The following SASH1 variants were observed in gnomAD, a reference collection of about 807,000 sequenced individuals.
SASH1 encodes the protein SAM and SH3 domain-containing protein 1.
In SASH1, 44 loss-of-function variants were observed where a neutral mutation model predicts 125.2. That is an observed-to-expected ratio of 0.35 (90% CI 0.28 to 0.45). The LOEUF (loss-of-function observed/expected upper bound fraction) is 0.45, where lower values mean the gene tolerates loss of function less well. Among genes scored for constraint, SASH1 ranks in the 20% least tolerant of loss-of-function variants. SASH1 has a pLI of 1.00. For missense variants in SASH1, 1,426 were observed against 1,614.5 expected, an observed-to-expected ratio of 0.88 and a Z score of 2.00; for synonymous variants, 639 against 649.1, an observed-to-expected ratio of 0.98 and a Z score of 0.24.
At position 148,524,121 on chromosome 6, in the gene SASH1, A is replaced by ATTT. The variant is rs796565408; in HGVS notation, c.1210-1164_1210-1162dup. Among the ~76,000 whole-genome samples the ATTT allele has an allele frequency of 3.5e-3, 448 of 128,530 alleles. 3 individuals carry two copies. Among genetic ancestry groups the ATTT allele is most frequent in the African/African-American group, 0.011 (403 of 35,718 alleles). The allele number at this position is 128,530 out of a possible 152,430, so 84.3% of individuals were successfully genotyped here. ...ATTATATATATATATATATATATAT[A>ATTT]TTTTTTTTAATGAATAAGCAATGCT... is the stretch of plus-strand genomic sequence containing the variant. On this transcript the variant is annotated intron_variant, in intron 10 of 19. Transcript: ENST00000367467.
chr6:148,473,456 G>C (rs1039245677), intron 6 of SASH1, among the ~76,000 whole-genome samples: 2 of 152,114 alleles, frequency 1.3e-5, no homozygotes, highest in African/African-American at 2.4e-5. Flanking sequence ...GTTTCACCTT[G>C]TTGGCCAGGC....
At position 148,407,342 on chromosome 6, in the gene SASH1, T is replaced by G. The variant is rs7748984; in HGVS notation, c.285+17080T>G. ...TGGAATTATGTAGTATTTGTCCTTTTGTGACTGTTTTTTTTCACTTAGCTT... is the reference window on the plus strand; with the variant it reads ...TGGAATTATGTAGTATTTGTCCTTTGGTGACTGTTTTTTTTCACTTAGCTT... On this transcript the variant is annotated intron_variant, in intron 2 of 19. Coordinates refer to ENST00000367467, the MANE Select transcript of SASH1 (RefSeq NM_015278.5). 2.3e-3 allele frequency among the ~76,000 whole-genome samples: 354 copies of G among 152,366 alleles called. 3 individuals are homozygous for G. Among genetic ancestry groups the G allele is most frequent in the African/African-American group, 7.8e-3 (325 of 41,592 alleles).
chr6:148,201,375 GACCA>G, the SASH1 span, among the ~76,000 whole-genome samples: 1 of 152,120 alleles, frequency 6.6e-6, no homozygotes, highest in Non-Finnish European at 1.5e-5. Context: ...TCCGGGGTGG[GACCA>G]ACTGAATAGA....
intron 2 of SASH1, among the ~76,000 whole-genome samples, chr6:148,398,245 C>T (rs925364970): frequency 1.3e-5 from 2 of 152,134 alleles, no homozygotes; most frequent in Non-Finnish European, 2.9e-5. Context: ...ATTCACAGGG[C>T]GAAACAGAAT....
chr6:148,356,849 C>T (rs900854021), intron 1 of SASH1, among the ~76,000 whole-genome samples: 1 of 152,174 alleles, frequency 6.6e-6, no homozygotes, highest in Non-Finnish European at 1.5e-5. Flanking sequence ...CACATCCATA[C>T]CCACATCTGT....
intron 8 of SASH1, among the ~76,000 whole-genome samples, chr6:148,502,663 T>C (rs1779606507): frequency 6.6e-6 from 1 of 151,822 alleles, no homozygotes; most frequent in Admixed American, 6.6e-5. Context: ...AAGCTCCTGT[T>C]GACTGGTGTC....
At chr6:148,251,575 T>C in the SASH1 span, among the ~76,000 whole-genome samples, 1 of 152,194 alleles carries the variant, frequency 6.6e-6, no homozygotes, top group African/African-American at 2.4e-5. Flanking sequence ...TGGCAAGTTC[T>C]ATTCAGACGG....
chr6:148,257,714 T>C, the SASH1 span, among the ~76,000 whole-genome samples: 2 of 144,556 alleles, frequency 1.4e-5, no homozygotes, highest in Admixed American at 1.4e-4. Context: ...CACTGCAAAC[T>C]CCGCCTCCTG....
the SASH1 span, among the ~76,000 whole-genome samples, chr6:148,251,438 A>T: frequency 2.0e-5 from 3 of 152,182 alleles, no homozygotes; most frequent in African/African-American, 7.2e-5. Flanking sequence ...TTGCTCAATT[A>T]CTTGCTTACC....
Position 148,343,003 on chromosome 6 carries a change from C to T in SASH1, c.-65C>T. 2.7e-6 allele frequency: 3 copies of T among 1,095,846 alleles called. No homozygotes were observed. The allele number at this position is 1,095,846 out of a possible 1,614,324, so 67.9% of individuals were successfully genotyped here. A position where few individuals can be genotyped will look rare whatever the true frequency, so the allele number is the denominator to read the frequency against. On this transcript the variant is annotated 5_prime_UTR_variant, in exon 1 of 20. Coordinates refer to ENST00000367467, the MANE Select transcript of SASH1 (RefSeq NM_015278.5). ...GGGGACCCGGCATCCGGGCAGGCTG[C>T]GCGCGGGTGCGGGGCGAGGGCGCCG... is the stretch of plus-strand genomic sequence containing the variant.
At chr6:148,231,954 T>C in the SASH1 span, among the ~76,000 whole-genome samples, 1 of 151,504 alleles carries the variant, frequency 6.6e-6, no homozygotes, top group African/African-American at 2.4e-5. Flanking sequence ...CGTCCAACCA[T>C]ACGAGATGGA....
chr6:148,200,529 G>C, the SASH1 span, among the ~76,000 whole-genome samples: 2 of 152,204 alleles, frequency 1.3e-5, no homozygotes, highest in African/African-American at 4.8e-5. Context: ...GAAAACACCT[G>C]CTGAAATCCT....
chr6:148,325,261 T>TGTTGTTGTTGTTGTTGTTGTTG (rs1554235038), intron 1 of SASH1, among the ~76,000 whole-genome samples: 1 of 149,878 alleles, frequency 6.7e-6, no homozygotes, highest in African/African-American at 2.5e-5. Context: ...AAAAGCCTCT[T>TGTTGTTGTTGTTGTTGTTGTTG]TTGTTGTTGT....
chr6:148,351,245 A>G (rs1458398896), intron 1 of SASH1, among the ~76,000 whole-genome samples: 1 of 126,028 alleles, frequency 7.9e-6, no homozygotes, highest in Non-Finnish European at 1.6e-5. Context: ...TTTCAAGATG[A>G]TTGGTGAAAA....
At chr6:148,388,101 G>A (rs1198320161) in intron 1 of SASH1, among the ~76,000 whole-genome samples, 2 of 151,920 alleles carry the variant, frequency 1.3e-5, no homozygotes, top group Non-Finnish European at 2.9e-5. Flanking sequence ...TTTTAGTAGA[G>A]ACGGGGTTTC....
At chr6:148,354,023 A>G (rs1781835453) in intron 1 of SASH1, among the ~76,000 whole-genome samples, 1 of 151,996 alleles carries the variant, frequency 6.6e-6, no homozygotes, top group Non-Finnish European at 1.5e-5. Flanking sequence ...AATTTAAAAG[A>G]GTAACCAGGC....
the SASH1 span, among the ~76,000 whole-genome samples, chr6:148,201,437 G>A: frequency 5.3e-5 from 8 of 152,114 alleles, no homozygotes; most frequent in South Asian, 2.1e-4. Context: ...CTGGAAGGCC[G>A]ATTAAAACCC....
chr6:148,381,546 A>C (rs1351911602), intron 1 of SASH1, among the ~76,000 whole-genome samples: 4 of 151,678 alleles, frequency 2.6e-5, no homozygotes, highest in African/African-American at 9.7e-5. Flanking sequence ...GTGGGGTTCT[A>C]AAATAGAGAC....
intron 1 of SASH1, chr6:148,272,508 G>A (rs999930406): frequency 6.7e-5 from 24 of 357,170 alleles, no homozygotes; most frequent in South Asian, 5.4e-4. Context: ...GGGATTTTCA[G>A]TGCTACTGAT....
Sources: gnomAD v4.1 joint callset for allele counts (sites outside exome capture counted in the v4.1 genomes callset) on GRCh38, gnomAD v4.1.1 for gene constraint, MANE v1.5 for transcripts, NCBI Gene and HGNC (gene_info 2026-07-23, HGNC 2026-07-21) for gene names.